The following CAST variants were observed in gnomAD, a reference collection of about 807,000 sequenced individuals.
The protein encoded by CAST is calpastatin.
A neutral mutation model predicts 119.6 loss-of-function variants in CAST; 76 were observed. That is an observed-to-expected ratio of 0.64 (90% confidence interval 0.53 to 0.77). The LOEUF is 0.77. Among genes scored for constraint, CAST ranks in the 30% least tolerant of loss-of-function variants. The probability of loss-of-function intolerance (pLI) is 0.00; values close to 1 mark genes in which losing one functional copy is unlikely to be tolerated. For synonymous variants in CAST, 319 were observed against 331.6 expected, an observed-to-expected ratio of 0.96 and a Z score of 0.41; for missense variants, 953 against 946.5, an observed-to-expected ratio of 1.01 and a Z score of -0.09.
chr5:96,438,234 T>C, the CAST span, among the ~76,000 whole-genome samples: 3 of 152,174 alleles, frequency 2.0e-5, no homozygotes, highest in African/African-American at 7.2e-5. Context: ...GAAATAACTT[T>C]ATAGTTACAG....
the CAST span, among the ~76,000 whole-genome samples, chr5:95,996,744 C>G: frequency 1.3e-5 from 2 of 152,146 alleles, no homozygotes; most frequent in East Asian, 3.9e-4. Flanking sequence ...GATTCTGATT[C>G]ATTTGAGATA....
At chr5:96,695,974 G>T in intron 3 of CAST, 67 bp downstream of exon 3, 1 of 1,067,292 alleles carries the variant, frequency 9.4e-7, no homozygotes, top group South Asian at 1.5e-5. Context: ...AGTGGGTGGG[G>T]CCTGTAGGAA....
the CAST span, among the ~76,000 whole-genome samples, chr5:95,998,554 C>G: frequency 3.3e-5 from 5 of 152,142 alleles, no homozygotes; most frequent in South Asian, 1.0e-3. Flanking sequence ...GACTAATGGC[C>G]TCCAGTTCCA....
At chr5:96,351,741 T>A in the CAST span, among the ~76,000 whole-genome samples, 3 of 152,102 alleles carry the variant, frequency 2.0e-5, no homozygotes, top group African/African-American at 7.2e-5. Context: ...CACTAGAAAT[T>A]GGTGAAAAAA....
the CAST span, among the ~76,000 whole-genome samples, chr5:96,126,482 C>G: frequency 6.6e-6 from 1 of 152,026 alleles, no homozygotes; most frequent in Non-Finnish European, 1.5e-5. Flanking sequence ...ACTGATAAAG[C>G]TCATCTTTTC....
rs561832904 is a variant in CAST, at chr5:96,753,762, T to C, written c.1525-298T>C. Among the ~76,000 whole-genome samples the C allele has an allele frequency of 1.8e-3, 270 of 152,362 alleles. 2 individuals carry two copies. Among genetic ancestry groups the C allele is most frequent in the Non-Finnish European group, 3.2e-3 (217 of 68,042 alleles). On this transcript the variant is annotated intron_variant, in intron 20 of 31. Coordinates refer to ENST00000675179, the MANE Select transcript of CAST (RefSeq NM_001750.7). Reference sequence around the variant, plus strand: ...TTCTTTTTTCCTGGTATGCAACTTATCTGTGATACACCTCAGTCCATTGTC... The same window carrying C: ...TTCTTTTTTCCTGGTATGCAACTTACCTGTGATACACCTCAGTCCATTGTC...
chr5:96,213,746 A>G, the CAST span: 9 of 152,202 alleles, frequency 5.9e-5, no homozygotes, highest in Non-Finnish European at 1.3e-4. Flanking sequence ...AGCTATGATC[A>G]TACCATTGCA....
chr5:96,454,380 C>T, the CAST span, among the ~76,000 whole-genome samples: 1 of 152,206 alleles, frequency 6.6e-6, no homozygotes, highest in Non-Finnish European at 1.5e-5. Context: ...CTTTAAAATG[C>T]TACACTGCTA....
chr5:96,367,010 T>G, the CAST span, among the ~76,000 whole-genome samples: 2 of 152,250 alleles, frequency 1.3e-5, no homozygotes, highest in African/African-American at 4.8e-5. Flanking sequence ...GGTTTTGGTA[T>G]GGATGTCCTT....
chr5:96,599,736 C>T (rs1365307872), intron 1 of CAST, among the ~76,000 whole-genome samples: 1 of 152,066 alleles, frequency 6.6e-6, no homozygotes, highest in Admixed American at 6.6e-5. Flanking sequence ...TAATTCTGTG[C>T]CACACACTTG....
chr5:96,519,467 G>A, the CAST span, among the ~76,000 whole-genome samples: 2 of 152,080 alleles, frequency 1.3e-5, no homozygotes, highest in Non-Finnish European at 2.9e-5. Flanking sequence ...TTAAGTCTTT[G>A]GATGCTGTCA....
chr5:96,480,060 A>C, the CAST span, among the ~76,000 whole-genome samples: 1 of 152,214 alleles, frequency 6.6e-6, no homozygotes, highest in Non-Finnish European at 1.5e-5. Context: ...GTCATGTTAC[A>C]GAATTTGCAT....
At chr5:96,030,006 G>A in the CAST span, among the ~76,000 whole-genome samples, 1 of 152,096 alleles carries the variant, frequency 6.6e-6, no homozygotes, top group African/African-American at 2.4e-5. Context: ...CTCAAATTAT[G>A]TGAGAATCTT....
At chr5:96,524,427 T>C (rs1238838899), upstream of CAST, among the ~76,000 whole-genome samples, 1 of 152,184 alleles carries the variant, frequency 6.6e-6, no homozygotes, top group Non-Finnish European at 1.5e-5. Context: ...AGAGGGGCTT[T>C]AATACTTCCT....
chr5:96,458,454 G>A, the CAST span, among the ~76,000 whole-genome samples: 17 of 152,064 alleles, frequency 1.1e-4, no homozygotes, highest in Middle Eastern at 3.4e-3. Flanking sequence ...GGAGGAGGAG[G>A]GTAAACACAT....
the CAST span, among the ~76,000 whole-genome samples, chr5:96,263,998 A>C: frequency 6.6e-6 from 1 of 152,222 alleles, no homozygotes; most frequent in African/African-American, 2.4e-5. Context: ...TGACATGTGG[A>C]GATTATAATT....
At chr5:96,715,386 A>G (rs753286666) in intron 3 of CAST, among the ~76,000 whole-genome samples, 12 of 152,142 alleles carry the variant, frequency 7.9e-5, no homozygotes, top group Non-Finnish European at 1.5e-4. Flanking sequence ...AAATCAAGAT[A>G]TTTTGTTTTA....
chr5:96,607,925 T>C (rs73134509), intron 1 of CAST, among the ~76,000 whole-genome samples: 13,313 of 152,272 alleles, frequency 0.087, 688 homozygotes, highest in African/African-American at 0.15. Context: ...ATTATCATAT[T>C]CATCACCTCA....
chr5:96,614,450 T>A (rs1377548686), intron 1 of CAST, among the ~76,000 whole-genome samples: 1 of 152,198 alleles, frequency 6.6e-6, no homozygotes, highest in African/African-American at 2.4e-5. Context: ...AGGAGGCTTA[T>A]AAATGAGAAT....
Sources: allele counts gnomAD v4.1 joint callset (sites outside exome capture counted in the v4.1 genomes callset), GRCh38; gene constraint gnomAD v4.1.1; transcripts MANE v1.5; gene names NCBI Gene and HGNC (gene_info 2026-07-23, HGNC 2026-07-21).